PDIA4: variants seen among roughly 807,000 people sequenced by gnomAD.
PDIA4 encodes the protein protein disulfide-isomerase A4.
A neutral mutation model predicts 62.1 loss-of-function variants in PDIA4; 33 were observed. That is an observed-to-expected ratio of 0.53 (90% CI 0.40 to 0.71). PDIA4 has a LOEUF of 0.71. Among genes scored for constraint, PDIA4 ranks in the 30% least tolerant of loss-of-function variants. The probability of loss-of-function intolerance (pLI) is 0.00; values close to 1 mark genes in which losing one functional copy is unlikely to be tolerated. For missense variants in PDIA4, 804 were observed against 813.6 expected, an observed-to-expected ratio of 0.99 and a Z score of 0.14; for synonymous variants, 341 against 324.1, an observed-to-expected ratio of 1.05 and a Z score of -0.56.
In PDIA4 at chr7:149,005,865, C is replaced by T. The variant is rs576524131; in HGVS notation, c.1288+32G>A. The stretch of plus-strand genomic sequence containing the variant: ...TGAAAGAACGAGTCCCCCCACCCCC[C>T]ACCCCCGCAGGTCTTGGTGGGGGTC... On this transcript the variant is annotated intron_variant, in intron 8 of 9. Transcript: ENST00000652332. 18 of 1,456,860 alleles carry T rather than the reference C, an allele frequency of 1.2e-5. No homozygotes were observed. In the East Asian group the frequency reaches 2.9e-4, roughly 24 times the overall value. The allele number at this position is 1,456,860 out of a possible 1,614,324, so 90.2% of individuals were successfully genotyped here.
chr7:149,020,012 G>A (rs1166186136), intron 2 of PDIA4, among the ~76,000 whole-genome samples: 3 of 152,210 alleles, frequency 2.0e-5, no homozygotes, highest in Admixed American at 6.5e-5. Context: ...CCAGGCTGGA[G>A]TGCAGTGGCA....
chr7:149,017,540 C>CGCCA (rs1225981022), intron 3 of PDIA4, among the ~76,000 whole-genome samples: 2 of 151,908 alleles, frequency 1.3e-5, no homozygotes, highest in Non-Finnish European at 2.9e-5. Context: ...GCTGAGATTG[C>CGCCA]GCCATCGTAC....
intron 1 of PDIA4, 152 bp from the exon 2 acceptor site, chr7:149,021,299 G>C: frequency 1.4e-6 from 1 of 701,118 alleles, no homozygotes; most frequent in South Asian, 2.0e-5. Context: ...GACCAGCCTG[G>C]CCAATATGGT....
At position 149,019,182 on chromosome 7, in the gene PDIA4, C is replaced by T. The variant is rs771599373; in HGVS notation, c.285G>A (p.Lys95=). The change falls in exon 3 of 10, where the codon AAG becomes AAA. Residue 95 remains lysine, a synonymous_variant. Coordinates refer to ENST00000652332, the MANE Select transcript of PDIA4 (RefSeq NM_004911.5). The stretch of plus-strand genomic sequence containing the variant: ...TTTTTTCATATTCCGGAGCAAACTG[C>T]TTGCAATGTCCACACCTAACAATTA... ...EFYAPWCGHC[K]QFAPEYEKIA... is the part of the protein sequence containing the mutation. The T allele has an allele frequency of 1.2e-6, 2 of 1,612,658 alleles. No homozygotes were observed. The highest frequency in any genetic ancestry group is 1.1e-5 in the South Asian group (1 of 91,064).
At chr7:149,012,117 C>T in intron 5 of PDIA4, 38 bp downstream of exon 5, 1 of 1,612,008 alleles carries the variant, frequency 6.2e-7, no homozygotes, top group African/African-American at 1.3e-5. Flanking sequence ...GGGAGTTTCC[C>T]TTCCCCACTG....
chr7:149,028,246 C>T (rs2129506208), intron 1 of PDIA4, 75 bp downstream of exon 1: 1 of 1,119,140 alleles, frequency 8.9e-7, no homozygotes, highest in Non-Finnish European at 1.2e-6. Context: ...CCGCCGGGGT[C>T]GCAGGGCCCA....
chr7:149,013,615 T>C (rs1356950517), intron 4 of PDIA4, among the ~76,000 whole-genome samples: 3 of 151,966 alleles, frequency 2.0e-5, no homozygotes, highest in Admixed American at 6.6e-5. Flanking sequence ...CAAGGCGTAG[T>C]GAACTATGAT....
chr7:149,003,160 C>T lies in PDIA4; in HGVS notation c.*634G>A, dbSNP rs1243503352. 1 of 169,174 alleles carries T rather than the reference C, an allele frequency of 5.9e-6. No homozygotes were observed. The highest frequency in any genetic ancestry group is 2.4e-5 in the African/African-American group (1 of 41,550). The allele number at this position is 169,174 out of a possible 1,614,324, so 10.5% of individuals were successfully genotyped here. On this transcript the variant is annotated 3_prime_UTR_variant, in exon 10 of 10. Transcript: ENST00000652332. ...CTCTGGGTCCAGGGTCCTTTCTGCT[C>T]CGGCACTGGGGGCTCTCAAGAGGTG...
intron 1 of PDIA4, among the ~76,000 whole-genome samples, chr7:149,023,571 A>G (rs1163659480): frequency 6.6e-6 from 1 of 152,034 alleles, no homozygotes; most frequent in Non-Finnish European, 1.5e-5. Context: ...CTCACTACCT[A>G]GCTGCTCTGC....
At chr7:149,027,979 G>C (rs1024807689) in intron 1 of PDIA4, 1 of 527,456 alleles carries the variant, frequency 1.9e-6, no homozygotes, top group Non-Finnish European at 3.8e-6. Context: ...AGTTAGCCTG[G>C]ACCTGACGAA....
intron 1 of PDIA4, among the ~76,000 whole-genome samples, chr7:149,024,814 T>TAAAAAA (rs539798193): frequency 1.1e-5 from 1 of 89,396 alleles, no homozygotes; most frequent in African/African-American, 5.2e-5. Context: ...GACTGTCATT[T>TAAAAAA]AAAAAAAAAA....
rs1823619836 is a variant in PDIA4 at position 149,003,606 on chromosome 7, A to G, written c.*188T>C. 4.7e-6 allele frequency: 2 copies of G among 428,608 alleles called. No homozygotes were observed. Among genetic ancestry groups the G allele is most frequent in the Non-Finnish European group, 8.0e-6 (2 of 248,546 alleles). The allele number at this position is 428,608 out of a possible 1,614,324, so 26.6% of individuals were successfully genotyped here. On this transcript the variant is annotated 3_prime_UTR_variant, in exon 10 of 10. Transcript: ENST00000652332. ...TGTATCCTCTGTAAAAATCTGGACT[A>G]AACTATTCAGTCATTCATGGTTATT... is the stretch of plus-strand genomic sequence containing the variant.
chr7:149,009,515 G>C (rs1197005767), intron 6 of PDIA4, among the ~76,000 whole-genome samples: 1 of 152,148 alleles, frequency 6.6e-6, no homozygotes, highest in Non-Finnish European at 1.5e-5. Flanking sequence ...AAGTTGGTGG[G>C]CTGCCTGTTT....
At chr7:149,021,253 G>A (rs752942581) in intron 1 of PDIA4, 106 bp from the exon 2 acceptor site, 30 of 1,054,738 alleles carry the variant, frequency 2.8e-5, no homozygotes, top group Non-Finnish European at 3.9e-5. Context: ...CACTTTGGGA[G>A]GCTGAGGTGG....
At position 149,019,208 on chromosome 7, in the gene PDIA4, G is replaced by C. The variant is rs182249342; in HGVS notation, c.270-11C>G. The C allele has an allele frequency of 1.9e-6, 3 of 1,589,932 alleles. No homozygotes were observed. The highest frequency in any genetic ancestry group is 2.6e-6 in the Non-Finnish European group (3 of 1,158,094). ...TTGCAATGTCCACACCTAACAATTA[G>C]ATTAGGAAGGGCAAAAAACGTTAAC... is the stretch of plus-strand genomic sequence containing the variant. On this transcript the variant is annotated splice_polypyrimidine_tract_variant and intron_variant, in intron 2 of 9. Transcript: ENST00000652332.
rs1180348593 is a variant in PDIA4, at chr7:149,019,052, T to TGG, written c.413_414dup (p.Thr139ProfsTer12). 6.2e-7 allele frequency: 1 copy of TGG among 1,613,552 alleles called. No homozygotes were observed. The highest frequency in any genetic ancestry group is 2.2e-5 in the East Asian group (1 of 44,878). On this transcript the variant is annotated frameshift_variant, in exon 3 of 10. Coordinates refer to ENST00000652332, the MANE Select transcript of PDIA4 (RefSeq NM_004911.5). LOFTEE classifies it high-confidence loss of function. The stretch of plus-strand genomic sequence containing the variant: ...TGCCCCTTCTTAAGGATCTTGATGG[T>TGG]GGGGTAGCCACTCACATCAAACCTG...
chr7:149,021,939 C>T lies in PDIA4; in HGVS notation c.89-792G>A, dbSNP rs895130010. On this transcript the variant is annotated intron_variant, in intron 1 of 9. Coordinates refer to ENST00000652332, the MANE Select transcript of PDIA4 (RefSeq NM_004911.5). Reference sequence around the variant, plus strand: ...AGGGCACCGCATTTCGTGATCTCGCCCTAGCTTGTCTGTGTTCAACGTTAT... The same window carrying T: ...AGGGCACCGCATTTCGTGATCTCGCTCTAGCTTGTCTGTGTTCAACGTTAT... 2.0e-5 allele frequency among the ~76,000 whole-genome samples: 3 copies of T among 152,288 alleles called. No homozygotes were observed. In the South Asian group the frequency reaches 6.2e-4, roughly 32 times the overall value.
In PDIA4 at chr7:149,005,271, G is replaced by C. The variant is rs373542803; in HGVS notation, c.1392C>G (p.Asp464Glu). Residue 464 changes from aspartate (D) to glutamate (E), a missense_variant, in exon 9 of 10, where the codon GAC becomes GAG. Asp to Glu is a conservative substitution (Grantham distance 45). Transcript: ENST00000652332. ...CCTCCCCACTCTCGCTGAGCCCCAG[G>C]TCCTTCACCTCCCCAGCATAGTCCT... ...DEEDYAGEVK[D>E]LGLSESGEDV... 17 of 1,613,906 alleles carry C rather than the reference G, an allele frequency of 1.1e-5. No homozygotes were observed. Among genetic ancestry groups the C allele is most frequent in the Non-Finnish European group, 8.5e-7 (1 of 1,179,938 alleles).
At position 149,003,792 on chromosome 7, in the gene PDIA4, C is replaced by T; in HGVS notation, c.*2G>A. 1.4e-5 allele frequency: 21 copies of T among 1,534,392 alleles called. No homozygotes were observed. The highest frequency in any genetic ancestry group is 1.7e-5 in the Non-Finnish European group (19 of 1,140,280). Reference sequence around the variant, plus strand: ...CTCCCACCTTCCGCAGACCTCAGGCCTTCAAAGCTCTTCCTTGGTCCTGCT... The same window carrying T: ...CTCCCACCTTCCGCAGACCTCAGGCTTTCAAAGCTCTTCCTTGGTCCTGCT... On this transcript the variant is annotated 3_prime_UTR_variant, in exon 10 of 10. Transcript: ENST00000652332.
Sources: gnomAD v4.1 joint callset for allele counts (sites outside exome capture counted in the v4.1 genomes callset) on GRCh38, gnomAD v4.1.1 for gene constraint, MANE v1.5 for transcripts, NCBI Gene and HGNC (gene_info 2026-07-23, HGNC 2026-07-21) for gene names.